VPS13C: variants seen among roughly 807,000 people sequenced by gnomAD.
VPS13C encodes the protein intermembrane lipid transfer protein VPS13C.
A neutral mutation model predicts 456.8 loss-of-function variants in VPS13C; 358 were observed. The ratio of observed to expected loss-of-function variants is 0.78; its 90% CI spans 0.72 to 0.86. The LOEUF (loss-of-function observed/expected upper bound fraction) is 0.86. Ranked by LOEUF, VPS13C falls within the 40% of genes least tolerant of loss-of-function variation. The probability of loss-of-function intolerance (pLI) is 0.00; values close to 1 mark genes in which losing one functional copy is unlikely to be tolerated. For missense variants in VPS13C, 4,818 were observed against 4,385.4 expected, an observed-to-expected ratio of 1.10 and a Z score of -2.79; for synonymous variants, 1,578 against 1,486.7, an observed-to-expected ratio of 1.06 and a Z score of -1.41.
intron 9 of VPS13C, among the ~76,000 whole-genome samples, chr15:62,018,669 T>A (rs952624570): frequency 1.3e-5 from 2 of 151,918 alleles, no homozygotes; most frequent in African/African-American, 4.9e-5. Context: ...CTTTTTGATG[T>A]GCTGCTGGAT....
chr15:61,955,033 G>A (rs368543246), intron 37 of VPS13C, among the ~76,000 whole-genome samples: 1 of 152,114 alleles, frequency 6.6e-6, no homozygotes, highest in Non-Finnish European at 1.5e-5. Flanking sequence ...AAGAAAAAAG[G>A]GAGTGGGAGG....
intron 67 of VPS13C, among the ~76,000 whole-genome samples, chr15:61,889,778 A>C (rs914864241): frequency 2.0e-5 from 3 of 152,132 alleles, no homozygotes; most frequent in Non-Finnish European, 4.4e-5. Flanking sequence ...CTACTGCACA[A>C]AACAAACTAG....
In VPS13C at chr15:61,922,429, G is replaced by A. The variant is rs1220973536; in HGVS notation, c.6943C>T (p.Leu2315=). Reference sequence around the variant, plus strand: ...GTCACGTCAGCAACAGCAGCCATTAGAGAAGTCCAATTTTTAATATTTCCT... The same window carrying A: ...GTCACGTCAGCAACAGCAGCCATTAAAGAAGTCCAATTTTTAATATTTCCT... ...FSGNIKNWTS[L]MAAVADVTLQ... Residue 2315 remains leucine, a synonymous_variant, in exon 54 of 85, where the codon CTA becomes TTA. Coordinates refer to ENST00000644861, the MANE Select transcript of VPS13C (RefSeq NM_020821.3). The A allele has an allele frequency of 3.7e-6, 6 of 1,613,694 alleles. No homozygotes were observed. The East Asian group carries it at 1.1e-4, about 30-fold the overall frequency.
intron 66 of VPS13C, among the ~76,000 whole-genome samples, chr15:61,905,433 G>A (rs2043128022): frequency 6.6e-6 from 1 of 152,058 alleles, no homozygotes; most frequent in African/African-American, 2.4e-5. Flanking sequence ...TAATCTGAAT[G>A]TTTTTATCTT....
intron 79 of VPS13C, among the ~76,000 whole-genome samples, chr15:61,870,399 T>G (rs2140873649): frequency 6.6e-6 from 1 of 151,902 alleles, no homozygotes; most frequent in Non-Finnish European, 1.5e-5. Flanking sequence ...GTACTGTGAC[T>G]TTTTTTTCTA....
intron 1 of VPS13C, among the ~76,000 whole-genome samples, chr15:62,053,004 C>T (rs1176831871): frequency 5.9e-5 from 9 of 152,160 alleles, no homozygotes; most frequent in Non-Finnish European, 1.0e-4. Flanking sequence ...AATACCAATT[C>T]TCAGTTTTAG....
intron 67 of VPS13C, among the ~76,000 whole-genome samples, chr15:61,889,773 G>A (rs934850403): frequency 1.3e-5 from 2 of 151,870 alleles, no homozygotes; most frequent in Non-Finnish European, 2.9e-5. Flanking sequence ...AACCTCTACT[G>A]CACAAAACAA....
intron 30 of VPS13C, 108 bp downstream of exon 30, chr15:61,965,975 C>T (rs980492421): frequency 1.5e-6 from 1 of 686,278 alleles, no homozygotes; most frequent in African/African-American, 1.8e-5. Context: ...CTTATTGGTC[C>T]TTGATTATGT....
rs575642864 is a variant in VPS13C at position 62,054,801 on chromosome 15, A to C, written c.100+5474T>G. Among the ~76,000 whole-genome samples, 40 of 152,316 alleles carry C rather than the reference A, an allele frequency of 2.6e-4. No homozygotes were observed. In the South Asian group the frequency reaches 7.7e-3, roughly 29 times the overall value. On this transcript the variant is annotated intron_variant, in intron 1 of 84. Transcript: ENST00000644861. ...ACCTCTAAAAGTCTGAAGTTAGAAG[A>C]AACATCCTTATGAAAATAAAACAAA... is the stretch of plus-strand genomic sequence containing the variant.
At chr15:62,009,958 C>T (rs1055644157) in intron 13 of VPS13C, among the ~76,000 whole-genome samples, 23 of 152,162 alleles carry the variant, frequency 1.5e-4, no homozygotes, top group African/African-American at 4.3e-4. Flanking sequence ...GAGGCCGAGG[C>T]GGGCAGATCA....
intron 74 of VPS13C, among the ~76,000 whole-genome samples, chr15:61,877,845 C>T (rs1415599058): frequency 6.6e-6 from 1 of 151,892 alleles, no homozygotes; most frequent in East Asian, 1.9e-4. Context: ...CTGTGTTTTC[C>T]CTTTTGCGAA....
At chr15:61,928,648 G>A (rs183782003) in intron 51 of VPS13C, among the ~76,000 whole-genome samples, 92 of 152,266 alleles carry the variant, frequency 6.0e-4, no homozygotes, top group African/African-American at 2.0e-3. Context: ...GGGAGGCAGA[G>A]GCGGGCGGAT....
intron 27 of VPS13C, among the ~76,000 whole-genome samples, chr15:61,970,379 T>C (rs2045509377): frequency 6.6e-6 from 1 of 152,190 alleles, no homozygotes; most frequent in Non-Finnish European, 1.5e-5. Flanking sequence ...AAAATAGTTG[T>C]TTTAAGCTAT....
intron 6 of VPS13C, among the ~76,000 whole-genome samples, chr15:62,026,626 G>GA (rs2047650632): frequency 6.6e-6 from 1 of 151,874 alleles, no homozygotes; most frequent in South Asian, 2.1e-4. Context: ...TGGCTTTCCA[G>GA]AAAAAAAGCA....
intron 28 of VPS13C, among the ~76,000 whole-genome samples, chr15:61,968,342 CT>C (rs1448873681): frequency 6.6e-6 from 1 of 151,892 alleles, no homozygotes; most frequent in African/African-American, 2.4e-5. Flanking sequence ...TGTAACAACT[CT>C]TTTACATTTA....
intron 9 of VPS13C, among the ~76,000 whole-genome samples, chr15:62,019,994 A>G (rs538207006): frequency 6.6e-6 from 1 of 151,240 alleles, no homozygotes; most frequent in African/African-American, 2.4e-5. Flanking sequence ...GTATATATAT[A>G]CAGACACACA....
At chr15:61,960,380 G>C (rs907154503) in intron 35 of VPS13C, among the ~76,000 whole-genome samples, 3 of 152,136 alleles carry the variant, frequency 2.0e-5, no homozygotes, top group Non-Finnish European at 4.4e-5. Context: ...ATACGCTATG[G>C]GTGATCCTGA....
chr15:61,946,401 G>A lies in VPS13C; in HGVS notation c.4886C>T (p.Ala1629Val), dbSNP rs1412641466. ...CTGCTTAGGCTTCACAGAAATAGAG[G>A]CATCCATTCCTATAGGAAACATAAC... ...IADIKIHGMD[A>V]SISVKPKQTD... The change falls in exon 44 of 85, where the codon GCC becomes GTC. Residue 1629 changes from alanine to valine, a missense_variant. By Grantham distance (64) the Ala-to-Val change is moderately conservative (BLOSUM62 0). Transcript: ENST00000644861. 2 of 1,600,172 alleles carry A rather than the reference G, an allele frequency of 1.2e-6. No individual in the cohort carries two copies. The highest frequency in any genetic ancestry group is 1.7e-6 in the Non-Finnish European group (2 of 1,174,220).
chr15:61,969,433 T>C lies in VPS13C; in HGVS notation c.2777A>G (p.Lys926Arg). The C allele has an allele frequency of 6.5e-7, 1 of 1,544,650 alleles. No homozygotes were observed. Among genetic ancestry groups the C allele is most frequent in the East Asian group, 2.3e-5 (1 of 43,500 alleles). Residue 926 changes from lysine (K) to arginine (R), a missense_variant, in exon 28 of 85, where the codon AAA (lysine) becomes AGA (arginine). Lys to Arg is a conservative substitution (Grantham distance 26). Coordinates refer to ENST00000644861, the MANE Select transcript of VPS13C (RefSeq NM_020821.3). ...EIKEVILEFTKQQKEEDTILV... is the reference protein window; with the variant it reads ...EIKEVILEFTRQQKEEDTILV... ...AATTGTATCTTCTTCTTTCTGCTGT[T>C]TAGTAAATTCCAAAATCACCTAAAA...
Sources: allele counts gnomAD v4.1 joint callset (sites outside exome capture counted in the v4.1 genomes callset), GRCh38; gene constraint gnomAD v4.1.1; transcripts MANE v1.5; gene names NCBI Gene and HGNC (gene_info 2026-07-23, HGNC 2026-07-21).